The following ATXN3 variants were observed in gnomAD, a reference collection of about 807,000 sequenced individuals.
The protein encoded by ATXN3 is ataxin 3.
ATXN3 carries 28 observed loss-of-function variants against 58.2 expected under a neutral mutation model. The ratio of observed to expected loss-of-function variants is 0.48; its 90% CI spans 0.36 to 0.66. The LOEUF (loss-of-function observed/expected upper bound fraction) is 0.66. ATXN3 is among the 30% of genes least tolerant of loss of function. The probability of loss-of-function intolerance (pLI) is 0.00; values close to 1 mark genes in which losing one functional copy is unlikely to be tolerated. For synonymous variants in ATXN3, 113 were observed against 138.5 expected, an observed-to-expected ratio of 0.82 and a Z score of 1.29; for missense variants, 321 against 422.1, an observed-to-expected ratio of 0.76 and a Z score of 2.10.
chr14:92,055,655 C>T (rs79440481), downstream of ATXN3, among the ~76,000 whole-genome samples: 2,870 of 152,236 alleles, frequency 0.019, 54 homozygotes, highest in South Asian at 0.081. This position sits in a 1 kb window ranked among gnomAD's most constrained non-coding sequence, Gnocchi z 4.5. Flanking sequence ...ATGTGTGAGA[C>T]GGTGGCTCAA....
chr14:92,083,292 T>G lies in ATXN3; in HGVS notation c.476-34A>C, dbSNP rs1595765851. The G allele has an allele frequency of 3.2e-6, 5 of 1,567,380 alleles. No individual in the cohort carries two copies. In the South Asian group the frequency reaches 3.5e-5, roughly 11 times the overall value. ...AAAAGGCAAAAATCAACCTAACCAG[T>G]TAGTAAAGAGATTCAAAATTGATGT... On this transcript the variant is annotated intron_variant, in intron 6 of 10. Transcript: ENST00000644486.
intron 10 of ATXN3, 25 bp downstream of exon 10, chr14:92,070,910 A>G (rs773875930): frequency 1.2e-6 from 2 of 1,613,576 alleles, no homozygotes; most frequent in South Asian, 1.1e-5. Flanking sequence ...GGTAGCGAAC[A>G]TGATGAATGG....
At chr14:92,076,524 TAAGTAA>T (rs2060414018) in intron 9 of ATXN3, among the ~76,000 whole-genome samples, 1 of 152,144 alleles carries the variant, frequency 6.6e-6, no homozygotes, top group South Asian at 2.1e-4. Flanking sequence ...TAAAAAATTT[TAAGTAA>T]AAGAGCAGTT....
chr14:92,101,771 T>C (rs940590938), intron 1 of ATXN3, among the ~76,000 whole-genome samples: 1 of 152,120 alleles, frequency 6.6e-6, no homozygotes, highest in Admixed American at 6.5e-5. Context: ...GGCAGGAGAA[T>C]CACCTGAACC....
Position 92,088,784 on chromosome 14 carries a change from C to A in ATXN3, c.421G>T (p.Glu141Ter). 1 of 1,612,582 alleles carries A rather than the reference C, an allele frequency of 6.2e-7. No homozygotes were observed. Among genetic ancestry groups the A allele is most frequent in the Non-Finnish European group, 8.5e-7 (1 of 1,178,848 alleles). ...GCAAGATATGTATCTGATATTAATT[C>A]TGGACCCGTCAAGAGAGAATTCAAG... ...FNLNSLLTGPELISDTYLALF... is the reference protein window; with the variant it reads ...FNLNSLLTGP Residue 141 changes from glutamate to a stop codon, truncating the protein, a stop_gained, in exon 6 of 11, where the codon GAA (glutamate) becomes TAA (stop). Transcript: ENST00000644486. LOFTEE classifies it high-confidence loss of function.
chr14:92,065,144 A>T (rs904820385), intron 10 of ATXN3, among the ~76,000 whole-genome samples: 7 of 152,212 alleles, frequency 4.6e-5, no homozygotes, highest in African/African-American at 1.7e-4. Context: ...AACTAGTGGA[A>T]ACCACTAATA....
chr14:92,076,514 T>C (rs1254583788), intron 9 of ATXN3, among the ~76,000 whole-genome samples: 5 of 152,010 alleles, frequency 3.3e-5, no homozygotes, highest in Non-Finnish European at 7.4e-5. Context: ...ATCCAGTTTT[T>C]AAAAAATTTT....
rs891382846 is a variant in ATXN3 at position 92,094,779 on chromosome 14, G to C, written c.235-948C>G. ...GGGCACACATGAACAGGCACCAAGA[G>C]CAGCAAGGCACAAATAGGAAACGCC... On this transcript the variant is annotated intron_variant, in intron 3 of 10. Coordinates refer to ENST00000644486, the MANE Select transcript of ATXN3 (RefSeq NM_004993.6). Among the ~76,000 whole-genome samples the C allele has an allele frequency of 7.2e-5, 11 of 152,180 alleles. 1 individual carries two copies. Among genetic ancestry groups the C allele is most frequent in the Admixed American group, 5.9e-4 (9 of 15,278 alleles).
Position 92,093,819 on chromosome 14 carries a change from C to T in ATXN3, c.247G>A (p.Ala83Thr). The T allele has an allele frequency of 6.2e-7, 1 of 1,608,238 alleles. No homozygotes were observed. Among genetic ancestry groups the T allele is most frequent in the Non-Finnish European group, 8.5e-7 (1 of 1,174,752 alleles). ...GFFSIQVISNALKVWGLELIL... is the reference protein window; with the variant it reads ...GFFSIQVISNTLKVWGLELIL... ...AGTTCTAAACCCCAAACTTTCAAGGCATTGCTTATAACCTGTTAAGAAAAA... is the reference window on the plus strand; with the variant it reads ...AGTTCTAAACCCCAAACTTTCAAGGTATTGCTTATAACCTGTTAAGAAAAA... Residue 83 changes from alanine to threonine, a missense_variant, in exon 4 of 11, where the codon GCC (alanine) becomes ACC (threonine). By Grantham distance (58) the Ala-to-Thr change is moderately conservative (BLOSUM62 0). This residue lies in a region of ATXN3 where 121 missense variants were observed against 198.9 expected (regional missense o/e 0.61). Coordinates refer to ENST00000644486, the MANE Select transcript of ATXN3 (RefSeq NM_004993.6).
intron 10 of ATXN3, among the ~76,000 whole-genome samples, chr14:92,067,258 CTTCT>C (rs1368566008): frequency 2.0e-5 from 3 of 152,150 alleles, no homozygotes; most frequent in South Asian, 2.1e-4. Flanking sequence ...TCTGTGTGAA[CTTCT>C]TTGAGTTTAT....
intron 10 of ATXN3, among the ~76,000 whole-genome samples, chr14:92,067,787 C>T (rs756680798): frequency 6.6e-6 from 1 of 152,118 alleles, no homozygotes; most frequent in Non-Finnish European, 1.5e-5. Flanking sequence ...CAAGCCTCCA[C>T]TGACACAGCA....
chr14:92,049,019 A>G (rs2057438856), intron 1 of ATXN3, among the ~76,000 whole-genome samples: 1 of 152,238 alleles, frequency 6.6e-6, no homozygotes, highest in Admixed American at 6.5e-5. Context: ...AAAATTATCT[A>G]GATCCTGTAG....
chr14:92,083,562 G>GCTA, intron 6 of ATXN3: 1 of 467,834 alleles, frequency 2.1e-6, no homozygotes. Flanking sequence ...GACTGAGCAG[G>GCTA]CTACTCACTT....
At chr14:92,090,792 T>C (rs2063610590) in intron 5 of ATXN3, among the ~76,000 whole-genome samples, 2 of 152,172 alleles carry the variant, frequency 1.3e-5, no homozygotes, top group Admixed American at 1.3e-4. Context: ...AATTCAGTGC[T>C]TACTTTATAC....
chr14:92,058,069 C>G (rs1041033921), downstream of ATXN3, among the ~76,000 whole-genome samples: 1 of 152,150 alleles, frequency 6.6e-6, no homozygotes, highest in Non-Finnish European at 1.5e-5. Flanking sequence ...CTTAGCTTCT[C>G]TTGGAAAAGA....
downstream of ATXN3, among the ~76,000 whole-genome samples, chr14:92,054,686 G>A (rs1288787902): frequency 6.6e-6 from 1 of 152,040 alleles, no homozygotes; most frequent in African/African-American, 2.4e-5. Context: ...TTTGCACTGT[G>A]GACTTGCCCT....
chr14:92,082,084 T>C (rs2061571987), intron 8 of ATXN3, among the ~76,000 whole-genome samples: 1 of 152,166 alleles, frequency 6.6e-6, no homozygotes, highest in Non-Finnish European at 1.5e-5. Context: ...CCAAATAAAA[T>C]AACCAGGAGT....
chr14:92,098,203 T>A (rs558921046), intron 1 of ATXN3, among the ~76,000 whole-genome samples: 10 of 152,228 alleles, frequency 6.6e-5, no homozygotes, highest in South Asian at 4.1e-4. Flanking sequence ...ACTCCAGGGC[T>A]CAAGGGATCT....
chr14:92,106,547 C>T lies in ATXN3; in HGVS notation c.6G>A (p.Glu2=). The T allele has an allele frequency of 1.2e-6, 2 of 1,613,400 alleles. No individual in the cohort carries two copies. Among genetic ancestry groups the T allele is most frequent in the Non-Finnish European group, 1.7e-6 (2 of 1,179,566 alleles). Residue 2 remains glutamate (E), a synonymous_variant, in exon 1 of 11, where the codon GAG becomes GAA. Transcript: ENST00000644486. The part of the protein sequence containing the change: M[E]SIFHEKQEGS... ...CACTCACTTTCTCGTGGAAGATGGA[C>T]TCCATGTTTATTTGTCTGGAGCCAA...
Sources: gnomAD v4.1 joint callset for allele counts (sites outside exome capture counted in the v4.1 genomes callset) on GRCh38, gnomAD v4.1.1 for gene constraint, gnomAD v4.1.1 regional missense constraint, Gnocchi (gnomAD v3.1) non-coding constraint, MANE v1.5 for transcripts, NCBI Gene and HGNC (gene_info 2026-07-23, HGNC 2026-07-21) for gene names.